TAF1: variants seen among roughly 807,000 people sequenced by gnomAD.
TAF1 encodes transcription initiation factor TFIID subunit 1.
A neutral mutation model predicts 138.5 loss-of-function variants in TAF1; 2 were observed. The ratio of observed to expected loss-of-function variants is 0.01; its 90% CI spans 0.01 to 0.05. TAF1 has a LOEUF of 0.05. TAF1 is among the 10% of genes least tolerant of loss of function. TAF1 has a pLI of 1.00. For synonymous variants in TAF1, 437 were observed against 503.2 expected (o/e 0.87, Z 1.76); for missense variants, 709 against 1,478.0 (o/e 0.48, Z 8.53).
At chrX:71,496,053 G>A (rs1175304275) in intron 13 of TAF1, among the ~76,000 whole-genome samples, 1 of 112,325 alleles carries the variant, frequency 8.9e-6, no homozygotes, top group Non-Finnish European at 1.9e-5. Flanking sequence ...TTGGCTGAGT[G>A]CAAACAGCTC....
At chrX:71,380,685 G>C (rs1353720047) in intron 8 of TAF1, among the ~76,000 whole-genome samples, 1 of 111,846 alleles carries the variant, frequency 8.9e-6, no homozygotes, top group Non-Finnish European at 1.9e-5. Context: ...TTATATTTTG[G>C]AGGAAAAACA....
intron 34 of TAF1, among the ~76,000 whole-genome samples, chrX:71,456,824 G>A (rs28382204): frequency 0.019 from 2,020 of 107,906 alleles, 47 homozygotes; most frequent in African/African-American, 0.065. Flanking sequence ...TACAGGCATG[G>A]GCCATTACGC....
At chrX:71,501,742 C>T (rs752012229) in intron 13 of TAF1, among the ~76,000 whole-genome samples, 1 of 111,716 alleles carries the variant, frequency 9.0e-6, no homozygotes, top group South Asian at 3.8e-4. Context: ...AGAGCCCTTT[C>T]CCAGAAAGCC....
downstream of TAF1, among the ~76,000 whole-genome samples, chrX:71,469,644 C>T (rs1194536945): frequency 9.2e-6 from 1 of 109,155 alleles, no homozygotes; most frequent in Non-Finnish European, 1.9e-5. Flanking sequence ...TCAAGTGATC[C>T]TCCCACCTCA....
chrX:71,384,470 G>A (rs2034095260), intron 13 of TAF1, among the ~76,000 whole-genome samples: 1 of 108,754 alleles, frequency 9.2e-6, no homozygotes, highest in African/African-American at 3.4e-5. Flanking sequence ...GAGTGCAGTG[G>A]CATGATCTCC....
intron 28 of TAF1, among the ~76,000 whole-genome samples, chrX:71,408,836 AC>A (rs1264450018): frequency 1.9e-5 from 2 of 106,471 alleles, no homozygotes; most frequent in East Asian, 6.0e-4. Flanking sequence ...CCATGGTGAA[AC>A]CCCCATCTCT....
At position 71,396,176 on chromosome X, in the gene TAF1, A is replaced by C. The variant is rs769220569; in HGVS notation, c.3407-1077A>C. On this transcript the variant is annotated intron_variant, in intron 22 of 37. Coordinates refer to ENST00000423759, the MANE Select transcript of TAF1 (RefSeq NM_004606.5). ...AAAAAAAAAAAATAACCTACATTTG[A>C]ACAAGATCCTCAGGTGATTCCTATT... Among the ~76,000 whole-genome samples, 7 of 109,483 alleles carry C rather than the reference A, an allele frequency of 6.4e-5. No individual in the cohort carries two copies. The South Asian group carries it at 2.8e-3, about 43-fold the overall frequency.
intron 13 of TAF1, among the ~76,000 whole-genome samples, chrX:71,473,751 G>A (rs891832545): frequency 9.0e-6 from 1 of 110,563 alleles, no homozygotes; most frequent in East Asian, 2.8e-4. Flanking sequence ...ACCATGAAAT[G>A]TTTGGACAGC....
At chrX:71,503,318 ATATG>A (rs1276828569) in intron 13 of TAF1, among the ~76,000 whole-genome samples, 7 of 92,269 alleles carry the variant, frequency 7.6e-5, no homozygotes, top group African/African-American at 2.4e-4. Flanking sequence ...ATATATATAT[ATATG>A]TGTGTGTATA....
At chrX:71,458,017 C>T (rs1028186961) in intron 34 of TAF1, among the ~76,000 whole-genome samples, 1 of 112,724 alleles carries the variant, frequency 8.9e-6, no homozygotes, top group Non-Finnish European at 1.9e-5. Flanking sequence ...TGGTGCATTT[C>T]TGCTTCAGGC....
intron 32 of TAF1, among the ~76,000 whole-genome samples, chrX:71,445,318 A>G (rs1334209912): frequency 1.9e-5 from 2 of 106,935 alleles, no homozygotes; most frequent in East Asian, 5.7e-4. Context: ...AAAAAAAAAA[A>G]GTCTTTCCCA....
chrX:71,467,386 G>A (rs773682902), downstream of TAF1, among the ~76,000 whole-genome samples: 1 of 110,674 alleles, frequency 9.0e-6, no homozygotes, highest in East Asian at 2.8e-4. Context: ...GGGACTACAG[G>A]TGCATGCTAC....
At chrX:71,451,957 T>C (rs182258069) in intron 32 of TAF1, among the ~76,000 whole-genome samples, 2,592 of 112,862 alleles carry the variant, frequency 0.023, 29 homozygotes, top group Middle Eastern at 0.056. Flanking sequence ...AAAACTGCCA[T>C]TGTCATCATG....
chrX:71,386,532 T>C (rs966576667), intron 14 of TAF1, among the ~76,000 whole-genome samples: 8 of 112,546 alleles, frequency 7.1e-5, no homozygotes, highest in Non-Finnish European at 1.5e-4. Flanking sequence ...TGGCACGATC[T>C]TGGCTCACTG....
At chrX:71,509,561 G>C (rs754113258) in intron 13 of TAF1, among the ~76,000 whole-genome samples, 12 of 111,177 alleles carry the variant, frequency 1.1e-4, no homozygotes, top group Non-Finnish European at 1.9e-4. Context: ...TTAGGGGCTG[G>C]GCATGGTGGC....
intron 13 of TAF1, among the ~76,000 whole-genome samples, chrX:71,509,129 CA>C (rs1373670813): frequency 9.0e-6 from 1 of 111,210 alleles, no homozygotes; most frequent in Non-Finnish European, 1.9e-5. Context: ...TCTTGTAAAA[CA>C]AAAAATTCAA....
intron 13 of TAF1, among the ~76,000 whole-genome samples, chrX:71,498,608 TG>T (rs2039439558): frequency 9.0e-6 from 1 of 111,325 alleles, no homozygotes; most frequent in Admixed American, 9.6e-5. Flanking sequence ...TGATTTGGAC[TG>T]GGTGGGCATT....
chrX:71,391,040 C>T (rs1285475346), intron 18 of TAF1, among the ~76,000 whole-genome samples: 1 of 110,221 alleles, frequency 9.1e-6, no homozygotes, highest in Non-Finnish European at 1.9e-5. Context: ...CTGTGTTGCC[C>T]AGGCTGATTT....
At chrX:71,368,227 C>A in intron 3 of TAF1, 57 bp downstream of exon 3, 1 of 1,124,733 alleles carries the variant, frequency 8.9e-7, no homozygotes, top group Non-Finnish European at 1.2e-6. Flanking sequence ...CTGTATAGTC[C>A]AGTTTGGGCT....
Sources: gnomAD v4.1 joint callset for allele counts (sites outside exome capture counted in the v4.1 genomes callset) on GRCh38, gnomAD v4.1.1 for gene constraint, MANE v1.5 for transcripts, NCBI Gene and HGNC (gene_info 2026-07-23, HGNC 2026-07-21) for gene names.